The following NEK1 variants were observed in gnomAD, a reference collection of about 807,000 sequenced individuals.
NEK1 encodes NIMA related kinase 1.
Under a neutral mutation model 182.1 loss-of-function variants are expected in NEK1, and 137 were observed. The ratio of observed to expected loss-of-function variants is 0.75; its 90% confidence interval spans 0.65 to 0.87. The LOEUF (loss-of-function observed/expected upper bound fraction) is 0.87, where lower values mean the gene tolerates loss of function less well. Among genes scored for constraint, NEK1 ranks in the 40% least tolerant of loss-of-function variants. The probability of loss-of-function intolerance (pLI) is 0.00; values close to 1 mark genes in which losing one functional copy is unlikely to be tolerated. For missense variants in NEK1, 1,391 were observed against 1,494.4 expected (o/e 0.93, Z 1.14); for synonymous variants, 513 against 492.2 (o/e 1.04, Z -0.56).
intron 12 of NEK1, among the ~76,000 whole-genome samples, chr4:169,572,253 A>G (rs989187876): frequency 6.6e-6 from 1 of 152,182 alleles, no homozygotes; most frequent in African/African-American, 2.4e-5. Flanking sequence ...TGGTGGTAAA[A>G]ATAATGAGAA....
intron 26 of NEK1, among the ~76,000 whole-genome samples, chr4:169,466,892 G>A (rs1745034111): frequency 2.0e-5 from 3 of 151,908 alleles, no homozygotes; most frequent in African/African-American, 7.3e-5. Flanking sequence ...GGTTGGGAGG[G>A]AACAAATGTA....
chr4:169,509,202 T>C (rs1450459035), intron 19 of NEK1, among the ~76,000 whole-genome samples: 2 of 152,114 alleles, frequency 1.3e-5, no homozygotes, highest in Non-Finnish European at 2.9e-5. Context: ...AAACAGCCAA[T>C]CCATTTCGAC....
intron 27 of NEK1, among the ~76,000 whole-genome samples, chr4:169,452,205 C>G (rs1470992399): frequency 6.6e-6 from 1 of 152,132 alleles, no homozygotes; most frequent in African/African-American, 2.4e-5. Flanking sequence ...AAGTCCAGGA[C>G]CAGATGGATT....
At chr4:169,590,008 T>A (rs1329526402) in intron 6 of NEK1, among the ~76,000 whole-genome samples, 1 of 152,084 alleles carries the variant, frequency 6.6e-6, no homozygotes, top group Non-Finnish European at 1.5e-5. Flanking sequence ...ATAGTATGAC[T>A]TAGAAGTAGG....
chr4:169,457,694 AG>A lies in NEK1; in HGVS notation c.2587+5548del, dbSNP rs571460833. The stretch of plus-strand genomic sequence containing the variant: ...AAGGAAGGAAGGAAGGAGAGAAAGA[AG>A]GGGGGAGGGGAGAAGGAGGGGAGAG... On this transcript the variant is annotated intron_variant, in intron 27 of 35. Coordinates refer to ENST00000507142, the MANE Select transcript of NEK1 (RefSeq NM_001199397.3). Among the ~76,000 whole-genome samples the A allele has an allele frequency of 3.2e-3, 341 of 105,712 alleles. 2 individuals carry two copies. Among genetic ancestry groups the A allele is most frequent in the Middle Eastern group, 6.8e-3 (1 of 148 alleles). The allele number at this position is 105,712 out of a possible 152,430, so 69.4% of individuals were successfully genotyped here. A position where few individuals can be genotyped will look rare whatever the true frequency, so the allele number is the denominator to read the frequency against.
intron 19 of NEK1, among the ~76,000 whole-genome samples, chr4:169,532,779 A>G (rs982160548): frequency 2.9e-5 from 2 of 70,058 alleles, no homozygotes; most frequent in Non-Finnish European, 5.7e-5. Flanking sequence ...ATCTCTACTG[A>G]AAAAAAAAAT....
chr4:169,576,980 T>G lies in NEK1; in HGVS notation c.968A>C (p.Lys323Thr), dbSNP rs1458362114. Residue 323 changes from lysine to threonine, a missense_variant, in exon 12 of 36, where the codon AAA becomes ACA. Transcript: ENST00000507142. ...TTCGTGTAATTTTTTATCTCCATAT[T>G]TCTTATATGCTAAAGGTATTCCATA... ...AKYGIPLAYK[K>T]YGDKKLHEKK... 1.6e-5 allele frequency: 25 copies of G among 1,612,804 alleles called. No individual in the cohort carries two copies. The highest frequency in any genetic ancestry group is 2.1e-5 in the Non-Finnish European group (25 of 1,179,314).
At chr4:169,606,661 T>C (rs1020075926) in intron 2 of NEK1, among the ~76,000 whole-genome samples, 1 of 152,172 alleles carries the variant, frequency 6.6e-6, no homozygotes, top group African/African-American at 2.4e-5. Flanking sequence ...CAGATATCTC[T>C]AGATTGGGTA....
At chr4:169,471,817 C>T (rs1007010693) in intron 26 of NEK1, among the ~76,000 whole-genome samples, 1 of 152,084 alleles carries the variant, frequency 6.6e-6, no homozygotes, top group Admixed American at 6.5e-5. Flanking sequence ...TTCAGAGATG[C>T]CCTGCCCAGA....
Position 169,400,284 on chromosome 4 carries a change from T to A in NEK1, c.3788A>T (p.His1263Leu). The A allele has an allele frequency of 6.4e-7, 1 of 1,566,206 alleles. No individual in the cohort carries two copies. The highest frequency in any genetic ancestry group is 8.7e-7 in the Non-Finnish European group (1 of 1,153,048). ...KIVQNILGNE[H>L]QHLYAKILHL... The stretch of plus-strand genomic sequence containing the variant: ...AAGAATCTTGGCATAAAGATGCTGA[T>A]GTTCATTTCCCAAAATATTTTGAAC... Residue 1263 changes from histidine (H) to leucine (L), a missense_variant, in exon 35 of 36, where the codon CAT (histidine) becomes CTT (leucine). Transcript: ENST00000507142.
chr4:169,596,144 G>A (rs779053662), intron 5 of NEK1, among the ~76,000 whole-genome samples: 1 of 151,910 alleles, frequency 6.6e-6, no homozygotes, highest in Non-Finnish European at 1.5e-5. Context: ...AGAATGTATC[G>A]GGCTCAGTTT....
At chr4:169,567,287 G>C (rs982324116) in intron 12 of NEK1, among the ~76,000 whole-genome samples, 1 of 149,776 alleles carries the variant, frequency 6.7e-6, no homozygotes, top group Non-Finnish European at 1.5e-5. Context: ...TTTTTTCATT[G>C]TGGTAAAATA....
At chr4:169,563,850 T>C (rs917412063) in intron 12 of NEK1, among the ~76,000 whole-genome samples, 1 of 152,234 alleles carries the variant, frequency 6.6e-6, no homozygotes, top group African/African-American at 2.4e-5. Flanking sequence ...TATATGGTTT[T>C]CTTCTCTAAT....
intron 27 of NEK1, among the ~76,000 whole-genome samples, chr4:169,460,351 A>AT (rs1743736304): frequency 6.6e-6 from 1 of 150,832 alleles, no homozygotes. Context: ...AAAAAAAAAA[A>AT]GCTTGTGCAG....
At chr4:169,417,312 T>C (rs906463686) in intron 31 of NEK1, among the ~76,000 whole-genome samples, 18 of 152,204 alleles carry the variant, frequency 1.2e-4, no homozygotes, top group African/African-American at 3.9e-4. Context: ...TGAAACCTTG[T>C]AGACCATGGT....
intron 19 of NEK1, among the ~76,000 whole-genome samples, chr4:169,533,175 G>A (rs899440909): frequency 6.6e-6 from 1 of 152,196 alleles, no homozygotes; most frequent in African/African-American, 2.4e-5. Flanking sequence ...TGCAATGACT[G>A]ATGTTAACAT....
intron 24 of NEK1, among the ~76,000 whole-genome samples, chr4:169,478,085 T>C (rs1353509189): frequency 2.6e-5 from 4 of 151,952 alleles, no homozygotes; most frequent in Non-Finnish European, 4.4e-5. Context: ...CTAATTAGCA[T>C]TGTCAAAGCA....
At chr4:169,499,132 C>A (rs1751939835) in intron 23 of NEK1, among the ~76,000 whole-genome samples, 1 of 152,188 alleles carries the variant, frequency 6.6e-6, no homozygotes, top group Admixed American at 6.5e-5. Flanking sequence ...CTAAACTCTT[C>A]TCGCTTCATT....
At chr4:169,589,860 T>C (rs1768144041) in intron 6 of NEK1, among the ~76,000 whole-genome samples, 1 of 152,128 alleles carries the variant, frequency 6.6e-6, no homozygotes, top group African/African-American at 2.4e-5. Flanking sequence ...TTAAAAACTT[T>C]TGTGCATCAA....
Sources: gnomAD v4.1 joint callset for allele counts (sites outside exome capture counted in the v4.1 genomes callset) on GRCh38, gnomAD v4.1.1 for gene constraint, MANE v1.5 for transcripts, NCBI Gene and HGNC (gene_info 2026-07-23, HGNC 2026-07-21) for gene names.